BMPR2: variants seen among roughly 807,000 people sequenced by gnomAD.
BMPR2 encodes bone morphogenetic protein receptor type-2.
Under a neutral mutation model 100.8 loss-of-function variants are expected in BMPR2, and 29 were observed. The ratio of observed to expected loss-of-function variants is 0.29; its 90% CI spans 0.21 to 0.39. The LOEUF (loss-of-function observed/expected upper bound fraction) is 0.39. Among genes scored for constraint, BMPR2 ranks in the 10% least tolerant of loss-of-function variants. BMPR2 has a pLI of 1.00. For synonymous variants in BMPR2, 382 were observed against 442.3 expected (o/e 0.86, Z 1.71); for missense variants, 1,011 against 1,274.5 (o/e 0.79, Z 3.15).
intron 3 of BMPR2, among the ~76,000 whole-genome samples, chr2:202,508,533 A>C (rs1286482984): frequency 3.9e-5 from 6 of 152,232 alleles, no homozygotes; most frequent in Non-Finnish European, 8.8e-5. Context: ...GGGAGTTGTC[A>C]CCTATGTAAA....
At chr2:202,523,898 A>C (rs1045954198) in intron 7 of BMPR2, among the ~76,000 whole-genome samples, 1 of 152,210 alleles carries the variant, frequency 6.6e-6, no homozygotes, top group Non-Finnish European at 1.5e-5. Flanking sequence ...TTGCAGCAAC[A>C]TGGATGGAGC....
intron 1 of BMPR2, among the ~76,000 whole-genome samples, chr2:202,409,552 A>C (rs900883300): frequency 2.6e-5 from 4 of 152,158 alleles, no homozygotes; most frequent in African/African-American, 9.7e-5. Context: ...CTCTGTCTCT[A>C]TTAATTAAAA....
intron 1 of BMPR2, among the ~76,000 whole-genome samples, chr2:202,424,051 T>G (rs10206674): frequency 0.18 from 21,224 of 116,704 alleles, 1,756 homozygotes; most frequent in South Asian, 0.29. Context: ...CCAGCCTGGG[T>G]GACAGAGCAA....
chr2:202,437,907 A>T (rs1049627437), intron 1 of BMPR2, among the ~76,000 whole-genome samples: 1 of 150,672 alleles, frequency 6.6e-6, no homozygotes, highest in East Asian at 1.9e-4. Context: ...AGTTATTGTG[A>T]ATAATGCCAT....
chr2:202,448,784 C>G (rs1003781518), intron 1 of BMPR2, among the ~76,000 whole-genome samples: 1 of 151,636 alleles, frequency 6.6e-6, no homozygotes, highest in African/African-American at 2.4e-5. Flanking sequence ...TGTGTAGACT[C>G]CAGGATATAT....
chr2:202,500,004 C>T (rs937624290), intron 3 of BMPR2, among the ~76,000 whole-genome samples: 9 of 152,144 alleles, frequency 5.9e-5, no homozygotes, highest in African/African-American at 1.4e-4. Flanking sequence ...TCCACTATGC[C>T]GAGGCAATCG....
At chr2:202,417,788 G>A (rs12465810) in intron 1 of BMPR2, among the ~76,000 whole-genome samples, 17,956 of 150,440 alleles carry the variant, frequency 0.12, 1,178 homozygotes, top group Admixed American at 0.14. Context: ...CTGCCATCTC[G>A]GCTCACTGCA....
At chr2:202,514,432 G>A (rs941700447) in intron 4 of BMPR2, among the ~76,000 whole-genome samples, 4 of 152,180 alleles carry the variant, frequency 2.6e-5, no homozygotes, top group Non-Finnish European at 4.4e-5. Context: ...CACTGCGTCC[G>A]GCCAATACAA....
chr2:202,382,444 G>A (rs1690324447), intron 1 of BMPR2, among the ~76,000 whole-genome samples: 1 of 152,110 alleles, frequency 6.6e-6, no homozygotes, highest in Non-Finnish European at 1.5e-5. Context: ...ACCCACCTTG[G>A]CCTCCCAAAG....
chr2:202,477,526 A>G (rs1389360802), intron 3 of BMPR2, among the ~76,000 whole-genome samples: 1 of 152,178 alleles, frequency 6.6e-6, no homozygotes. Context: ...GCGGTGGCTC[A>G]CACCTGTAAT....
chr2:202,566,893 C>A lies in BMPR2; in HGVS notation c.*6947C>A, dbSNP rs543872487. ...TCAGGCTCTTCACCTTGTTACCAAT[C>A]CTCGTAAGTATGTAAAGGAAACATA... is the stretch of plus-strand genomic sequence containing the variant. On this transcript the variant is annotated 3_prime_UTR_variant, in exon 13 of 13. Transcript: ENST00000374580. 1 of 152,212 alleles carries A rather than the reference C, an allele frequency of 6.6e-6. No homozygotes were observed. The highest frequency in any genetic ancestry group is 1.9e-4 in the East Asian group (1 of 5,184). The allele number at this position is 152,212 out of a possible 1,614,324, so 9.4% of individuals were successfully genotyped here. A position where few individuals can be genotyped will look rare whatever the true frequency, so the allele number is the denominator to read the frequency against.
At chr2:202,400,249 C>T (rs1417466771) in intron 1 of BMPR2, among the ~76,000 whole-genome samples, 1 of 152,130 alleles carries the variant, frequency 6.6e-6, no homozygotes, top group African/African-American at 2.4e-5. Flanking sequence ...TCAAGCCATC[C>T]TCCTACTTCA....
rs369568686 is a variant in BMPR2 at position 202,556,106 on chromosome 2, A to G, written c.2441A>G (p.His814Arg). 11 of 1,614,044 alleles carry G rather than the reference A, an allele frequency of 6.8e-6. No individual in the cohort carries two copies. The highest frequency in any genetic ancestry group is 9.3e-6 in the Non-Finnish European group (11 of 1,180,038). The part of the protein sequence containing the change: ...VTMNGVAGRN[H>R]SVNSHAATTQ... ...ATGAATGGTGTGGCAGGTAGAAACCACAGTGTTAACTCCCATGCTGCCACA... is the reference window on the plus strand; with the variant it reads ...ATGAATGGTGTGGCAGGTAGAAACCGCAGTGTTAACTCCCATGCTGCCACA... The change falls in exon 12 of 13, where the codon CAC (histidine) becomes CGC (arginine). Residue 814 changes from histidine to arginine, a missense_variant. This residue lies in a region of BMPR2 where 508 missense variants were observed against 552.0 expected (regional missense o/e 0.92). Coordinates refer to ENST00000374580, the MANE Select transcript of BMPR2 (RefSeq NM_001204.7).
intron 10 of BMPR2, among the ~76,000 whole-genome samples, chr2:202,545,488 C>T (rs1688359314): frequency 6.6e-6 from 1 of 151,746 alleles, no homozygotes; most frequent in African/African-American, 2.4e-5. Context: ...AATAAAAGGA[C>T]AAAAAGTGAA....
At chr2:202,378,874 G>A (rs1418132956) in intron 1 of BMPR2, among the ~76,000 whole-genome samples, 2 of 152,050 alleles carry the variant, frequency 1.3e-5, no homozygotes, top group Non-Finnish European at 2.9e-5. Flanking sequence ...GGCCTTAAAC[G>A]TTCCATGAGC....
chr2:202,496,759 C>A (rs1024638319), intron 3 of BMPR2, among the ~76,000 whole-genome samples: 4 of 152,246 alleles, frequency 2.6e-5, no homozygotes, highest in South Asian at 2.1e-4. Flanking sequence ...CAGTCCTTAC[C>A]GCCCTCGCTC....
chr2:202,554,517 G>A (rs1688529826), intron 11 of BMPR2, among the ~76,000 whole-genome samples: 1 of 151,952 alleles, frequency 6.6e-6, no homozygotes. Context: ...TTCTTGTACT[G>A]TATAACAATT....
chr2:202,439,971 C>T (rs1328113088), intron 1 of BMPR2, among the ~76,000 whole-genome samples: 2 of 150,208 alleles, frequency 1.3e-5, no homozygotes, highest in African/African-American at 2.5e-5. Context: ...GCACATCTTG[C>T]ACCGCCCTTA....
chr2:202,534,945 GGGGGGCT>G (rs1688106661), intron 9 of BMPR2, among the ~76,000 whole-genome samples: 1 of 128,582 alleles, frequency 7.8e-6, no homozygotes, highest in Admixed American at 7.8e-5. Context: ...CTGGCCGGGC[GGGGGGCT>G]GACCCCCCCC....
Sources: gnomAD v4.1 joint callset for allele counts (sites outside exome capture counted in the v4.1 genomes callset) on GRCh38, gnomAD v4.1.1 for gene constraint, gnomAD v4.1.1 regional missense constraint, MANE v1.5 for transcripts, NCBI Gene and HGNC (gene_info 2026-07-23, HGNC 2026-07-21) for gene names.